Variants in RBFOX3 observed in about 807,000 individuals in gnomAD.
RBFOX3 encodes RNA binding protein fox-1 homolog 3.
RBFOX3 carries 17 observed loss-of-function variants against 48.7 expected under a neutral mutation model. The observed-to-expected ratio is 0.35, with a 90% CI of 0.24 to 0.52. The LOEUF is 0.52. Among genes scored for constraint, RBFOX3 ranks in the 20% least tolerant of loss-of-function variants. The probability of loss-of-function intolerance (pLI) is 0.94; values close to 1 mark genes in which losing one functional copy is unlikely to be tolerated. For synonymous variants in RBFOX3, 212 were observed against 209.5 expected (o/e 1.01, Z -0.10); for missense variants, 382 against 497.5 (o/e 0.77, Z 2.21).
At position 79,185,522 on chromosome 17, in the gene RBFOX3, C is replaced by T. The variant is rs138400823; in HGVS notation, c.-34+50244G>A. Among the ~76,000 whole-genome samples, 1,079 of 152,186 alleles carry T rather than the reference C, an allele frequency of 7.1e-3. 13 individuals carry two copies. Among genetic ancestry groups the T allele is most frequent in the African/African-American group, 0.025 (1,036 of 41,524 alleles). On this transcript the variant is annotated intron_variant, in intron 4 of 14. Coordinates refer to ENST00000693108, the MANE Select transcript of RBFOX3 (RefSeq NM_001350451.2). ...CTGAGTCAGGTTGTTCTTGCTTGTT[C>T]CAGAAGCCATCCCTCTTTTGTCTTC...
At chr17:79,446,750 C>T (rs1378061357) in intron 2 of RBFOX3, among the ~76,000 whole-genome samples, 2 of 151,936 alleles carry the variant, frequency 1.3e-5, no homozygotes, top group East Asian at 1.9e-4. Flanking sequence ...TCTCAGCACA[C>T]GGCCTATGGG....
intron 4 of RBFOX3, among the ~76,000 whole-genome samples, chr17:79,156,252 G>A (rs534852494): frequency 6.6e-6 from 1 of 152,326 alleles, no homozygotes; most frequent in Non-Finnish European, 1.5e-5. Flanking sequence ...AGCCTCTGCT[G>A]TCCAGGACTC....
chr17:79,193,908 G>A (rs186716621), intron 4 of RBFOX3, among the ~76,000 whole-genome samples: 61 of 152,240 alleles, frequency 4.0e-4, no homozygotes, highest in African/African-American at 1.3e-3. Context: ...TAGGTGTTCC[G>A]GGCTAGGGGA....
intron 1 of RBFOX3, among the ~76,000 whole-genome samples, chr17:79,520,816 A>G (rs2085960395): frequency 6.6e-6 from 1 of 152,202 alleles, no homozygotes; most frequent in African/African-American, 2.4e-5. Context: ...CCCGGCAGAC[A>G]CACTCGCACA....
intron 4 of RBFOX3, among the ~76,000 whole-genome samples, chr17:79,139,615 C>T (rs773254249): frequency 3.9e-5 from 6 of 152,232 alleles, no homozygotes; most frequent in Admixed American, 6.5e-5. Context: ...GATGCACTGC[C>T]GGCCAGACTC....
intron 3 of RBFOX3, among the ~76,000 whole-genome samples, chr17:79,306,306 G>GCAGT (rs1376663783): frequency 6.6e-6 from 1 of 152,272 alleles, no homozygotes; most frequent in Non-Finnish European, 1.5e-5. Flanking sequence ...ACGGCACTCA[G>GCAGT]CAGTGCTAGC....
At chr17:79,126,979 C>T (rs1489372071) in intron 4 of RBFOX3, among the ~76,000 whole-genome samples, 1 of 152,218 alleles carries the variant, frequency 6.6e-6, no homozygotes, top group Non-Finnish European at 1.5e-5. Context: ...GAATCCACCT[C>T]TCTAGTATGT....
In RBFOX3 at chr17:79,346,985, A is replaced by G. The variant is rs571044600; in HGVS notation, c.-174-39161T>C. 9.7e-4 allele frequency among the ~76,000 whole-genome samples: 147 copies of G among 152,308 alleles called. 1 individual carries two copies. Among genetic ancestry groups the G allele is most frequent in the African/African-American group, 3.5e-3 (144 of 41,572 alleles). On this transcript the variant is annotated intron_variant, in intron 2 of 14. Transcript: ENST00000693108. ...GGGCAAGGGTTCTATGTAAATGATC[A>G]TATCATCTGAAAATAATACAATTTT...
intron 2 of RBFOX3, among the ~76,000 whole-genome samples, chr17:79,400,278 G>A (rs775129807): frequency 5.3e-5 from 8 of 152,142 alleles, no homozygotes; most frequent in East Asian, 1.9e-4. Context: ...CTGAGACTCC[G>A]GATAGAATTC....
rs947160260 is a variant in RBFOX3, at chr17:79,555,552, G to C, written c.-320+55274C>G. On this transcript the variant is annotated intron_variant, in intron 1 of 14. Transcript: ENST00000693108. ...TAGTTGTGGTGGTGGTGATGGTGGT[G>C]ATGATGGTAGTTGTGGTGGTAGTGA... Among the ~76,000 whole-genome samples the C allele has an allele frequency of 1.5e-3, 215 of 148,048 alleles. 1 individual carries two copies. The highest frequency in any genetic ancestry group is 5.3e-3 in the African/African-American group (201 of 37,836).
intron 4 of RBFOX3, among the ~76,000 whole-genome samples, chr17:79,116,227 C>A (rs2033919380): frequency 6.6e-6 from 1 of 152,208 alleles, no homozygotes; most frequent in Non-Finnish European, 1.5e-5. Context: ...AGGACTACTG[C>A]TCTTCCCCTT....
chr17:79,530,245 G>A (rs1348155470), intron 1 of RBFOX3, among the ~76,000 whole-genome samples: 1 of 152,130 alleles, frequency 6.6e-6, no homozygotes, highest in Non-Finnish European at 1.5e-5. Context: ...GCTGGGGTGA[G>A]GCACCTGCCC....
At chr17:79,478,128 T>C (rs1401722787) in intron 2 of RBFOX3, among the ~76,000 whole-genome samples, 1 of 152,190 alleles carries the variant, frequency 6.6e-6, no homozygotes, top group Non-Finnish European at 1.5e-5. Context: ...GCGGGCAGCC[T>C]GTGTCTCGGC....
intron 4 of RBFOX3, among the ~76,000 whole-genome samples, chr17:79,231,863 G>A (rs939446163): frequency 6.6e-6 from 1 of 152,204 alleles, no homozygotes; most frequent in Non-Finnish European, 1.5e-5. Flanking sequence ...ACTGATCGCT[G>A]TATTAGTCCA....
At chr17:79,594,837 G>A (rs1246184158) in intron 1 of RBFOX3, among the ~76,000 whole-genome samples, 6 of 152,108 alleles carry the variant, frequency 3.9e-5, no homozygotes, top group South Asian at 2.1e-4. Flanking sequence ...CCCACTCAGC[G>A]CTTCCCCACC....
chr17:79,251,567 T>C (rs771534530), intron 3 of RBFOX3, among the ~76,000 whole-genome samples: 4 of 152,296 alleles, frequency 2.6e-5, no homozygotes, highest in Non-Finnish European at 4.4e-5. Context: ...TAACACCTTC[T>C]GTACCTGTGT....
intron 4 of RBFOX3, among the ~76,000 whole-genome samples, chr17:79,143,862 G>A (rs1182142554): frequency 6.6e-6 from 1 of 152,232 alleles, no homozygotes; most frequent in Non-Finnish European, 1.5e-5. Context: ...GCAGTGCCTG[G>A]GCTCAAGCCA....
At chr17:79,451,670 C>T (rs1182984514) in intron 2 of RBFOX3, among the ~76,000 whole-genome samples, 1 of 152,226 alleles carries the variant, frequency 6.6e-6, no homozygotes, top group Non-Finnish European at 1.5e-5. Flanking sequence ...GGAGGCAGCC[C>T]AGGCTCAAGC....
intron 3 of RBFOX3, among the ~76,000 whole-genome samples, chr17:79,282,835 G>A (rs1234617093): frequency 6.6e-6 from 1 of 152,260 alleles, no homozygotes; most frequent in Non-Finnish European, 1.5e-5. Context: ...ATGGAGGCTG[G>A]AGAAAGAGGC....
Sources: allele counts gnomAD v4.1 joint callset (sites outside exome capture counted in the v4.1 genomes callset), GRCh38; gene constraint gnomAD v4.1.1; transcripts MANE v1.5; gene names NCBI Gene and HGNC (gene_info 2026-07-23, HGNC 2026-07-21).